The following MTRR variants were observed in gnomAD, a reference collection of about 807,000 sequenced individuals.
MTRR encodes methionine synthase reductase.
A neutral mutation model predicts 79.2 loss-of-function variants in MTRR; 63 were observed. The observed-to-expected ratio is 0.80, with a 90% CI of 0.65 to 0.98. The LOEUF (loss-of-function observed/expected upper bound fraction) is 0.98, where lower values mean the gene tolerates loss of function less well. Ranked by LOEUF, MTRR falls within the 50% of genes least tolerant of loss-of-function variation. MTRR has a pLI of 0.00. For synonymous variants in MTRR, 355 were observed against 313.3 expected (o/e 1.13, Z -1.41); for missense variants, 895 against 839.6 (o/e 1.07, Z -0.82).
chr5:7,873,371 A>G lies in MTRR; in HGVS notation c.130-2A>G, dbSNP rs1748331186. 1 of 1,614,182 alleles carries G rather than the reference A, an allele frequency of 6.2e-7. No homozygotes were observed. Among genetic ancestry groups the G allele is most frequent in the Non-Finnish European group, 8.5e-7 (1 of 1,180,018 alleles). ...CCCTGACTTGATATCCTTGTTTTGT[A>G]GTATGACCTAAAAACCGAAACAGCT... On this transcript the variant is annotated splice_acceptor_variant, in intron 2 of 14. Transcript: ENST00000440940. LOFTEE classifies it high-confidence loss of function.
intron 1 of MTRR, chr5:7,861,894 G>C: frequency 1.6e-6 from 1 of 608,640 alleles, no homozygotes; most frequent in Non-Finnish European, 2.4e-6. Context: ...AATGGGTTCT[G>C]AAGTTATCTG....
At position 7,877,944 on chromosome 5, in the gene MTRR, T is replaced by G; in HGVS notation, c.402T>G (p.Gly134=). 1 of 1,612,742 alleles carries G rather than the reference T, an allele frequency of 6.2e-7. No homozygotes were observed. Among genetic ancestry groups the G allele is most frequent in the Non-Finnish European group, 8.5e-7 (1 of 1,179,996 alleles). Residue 134 remains glycine (G), a splice_region_variant and synonymous_variant, in exon 5 of 15, where the codon GGT becomes GGG. Coordinates refer to ENST00000440940, the MANE Select transcript of MTRR (RefSeq NM_002454.3). The part of the protein sequence containing the change: ...YDTGHADDCV[G]LELVVEPWIA... ...TTTTTCGTTTGTTTTTACTGTCCAG[T>G]TTAGAACTTGTGGTTGAGCCGTGGA...
chr5:7,885,955 G>T (rs1238909542), intron 7 of MTRR, 101 bp downstream of exon 7: 15 of 1,471,272 alleles, frequency 1.0e-5, no homozygotes, highest in South Asian at 5.7e-5. Flanking sequence ...TGTGTTGGCC[G>T]CACAGATGCC....
At chr5:7,898,464 G>A (rs1417096851) in intron 14 of MTRR, among the ~76,000 whole-genome samples, 1 of 152,154 alleles carries the variant, frequency 6.6e-6, no homozygotes, top group Non-Finnish European at 1.5e-5. Context: ...GCACTTGGAA[G>A]CATTAATAGC....
rs1237360797 is a variant in MTRR, at chr5:7,885,870, C to T, written c.1057+16C>T. On this transcript the variant is annotated intron_variant, in intron 7 of 14. Coordinates refer to ENST00000440940, the MANE Select transcript of MTRR (RefSeq NM_002454.3). ...AAGAAGAAAGGTAACAGCCCTGATG[C>T]TGTGACGTTGGGGTGTTGTGGGCCA... 1.2e-6 allele frequency: 2 copies of T among 1,613,798 alleles called. No homozygotes were observed. Among genetic ancestry groups the T allele is most frequent in the South Asian group, 2.2e-5 (2 of 91,026 alleles).
chr5:7,875,204 G>T (rs1305225631), intron 3 of MTRR, 54 bp from the exon 4 acceptor site: 2 of 1,175,992 alleles, frequency 1.7e-6, no homozygotes, highest in Admixed American at 1.7e-5. Context: ...CCTAGTCTTT[G>T]TGTCCTTAAA....
At chr5:7,881,078 T>C (rs2126714384) in intron 5 of MTRR, among the ~76,000 whole-genome samples, 1 of 152,284 alleles carries the variant, frequency 6.6e-6, no homozygotes. Flanking sequence ...ATCGTTTTTA[T>C]TGGAGCAGCG....
intron 6 of MTRR, among the ~76,000 whole-genome samples, chr5:7,884,454 A>G (rs1736087729): frequency 6.6e-6 from 1 of 152,164 alleles, no homozygotes; most frequent in Non-Finnish European, 1.5e-5. Flanking sequence ...AGTATCTAAC[A>G]CCACGTAAGT....
intron 2 of MTRR, chr5:7,872,185 A>G (rs1283036038): frequency 2.7e-5 from 12 of 444,718 alleles, no homozygotes; most frequent in South Asian, 1.9e-4. Flanking sequence ...TCTTGGAAGC[A>G]TTAAATACTT....
chr5:7,876,969 C>T (rs925990546), intron 4 of MTRR, among the ~76,000 whole-genome samples: 3 of 152,144 alleles, frequency 2.0e-5, no homozygotes, highest in African/African-American at 7.2e-5. Context: ...GTTTTATAAA[C>T]TTGTTTTCAC....
At chr5:7,893,754 G>T (rs1204452773) in intron 11 of MTRR, 2 of 152,140 alleles carry the variant, frequency 1.3e-5, no homozygotes, top group Non-Finnish European at 2.9e-5. Flanking sequence ...AAGGTTCATA[G>T]ACCTCAATAG....
chr5:7,879,963 A>G (rs910407721), intron 5 of MTRR, among the ~76,000 whole-genome samples: 5 of 152,194 alleles, frequency 3.3e-5, no homozygotes, highest in Admixed American at 3.3e-4. Flanking sequence ...CCTCCCAGGT[A>G]TGGAATGTGC....
rs1320146714 is a variant in MTRR, at chr5:7,900,033, G to T, written c.2072G>T (p.Arg691Leu). 6.2e-7 allele frequency: 1 copy of T among 1,613,766 alleles called. No homozygotes were observed. Among genetic ancestry groups the T allele is most frequent in the Non-Finnish European group, 8.5e-7 (1 of 1,179,934 alleles). The change falls in exon 15 of 15, where the codon CGC becomes CTC. Residue 691 changes from arginine (R) to leucine (L), a missense_variant. Physicochemically the swap from Arg to Leu is moderately radical, Grantham distance 102. Transcript: ENST00000440940. The part of the protein sequence containing the change: ...KTLATLKEEK[R>L]YLQDIWS ...CTGGCCACTTTAAAAGAAGAAAAAC[G>T]CTACCTTCAGGATATTTGGTCATAA...
chr5:7,851,409 G>A (rs974167426), exon 1 of MTRR: 8 of 174,364 alleles, frequency 4.6e-5, no homozygotes, highest in African/African-American at 7.1e-5. Flanking sequence ...AGCGCATGGT[G>A]TGTCAGGAGC....
At chr5:7,880,742 G>T (rs187211929) in intron 5 of MTRR, among the ~76,000 whole-genome samples, 164 of 152,278 alleles carry the variant, frequency 1.1e-3, no homozygotes, top group Admixed American at 1.6e-3. Context: ...CAATAATTCG[G>T]TGTTGCCCTG....
intron 4 of MTRR, among the ~76,000 whole-genome samples, chr5:7,876,251 C>T (rs144190866): frequency 6.6e-6 from 1 of 152,306 alleles, no homozygotes; most frequent in Non-Finnish European, 1.5e-5. Flanking sequence ...ATCGCCAGCA[C>T]ACATATTCTT....
chr5:7,888,977 T>C (rs540782195), intron 8 of MTRR, 118 bp from the exon 9 acceptor site: 5 of 1,142,052 alleles, frequency 4.4e-6, no homozygotes, highest in South Asian at 3.9e-5. Flanking sequence ...TAGCTCCTAG[T>C]GGCTTTCTCA....
upstream of MTRR, chr5:7,867,930 G>C: frequency 6.2e-7 from 1 of 1,614,066 alleles, no homozygotes; most frequent in Non-Finnish European, 8.5e-7. Context: ...ACCCCGAAAG[G>C]CTCAGGTTGT....
intron 1 of MTRR, among the ~76,000 whole-genome samples, chr5:7,854,847 A>G (rs1378309946): frequency 6.6e-6 from 1 of 152,186 alleles, no homozygotes; most frequent in African/African-American, 2.4e-5. Context: ...CAAGGGCAGG[A>G]AGCATCTAGC....
Sources: allele counts gnomAD v4.1 joint callset (sites outside exome capture counted in the v4.1 genomes callset), GRCh38; gene constraint gnomAD v4.1.1; transcripts MANE v1.5; gene names NCBI Gene and HGNC (gene_info 2026-07-23, HGNC 2026-07-21).